The following NCOR1 variants were observed in gnomAD, a reference collection of about 807,000 sequenced individuals.
NCOR1 encodes nuclear receptor corepressor 1, also known as protein phosphatase 1, regulatory subunit 109.
NCOR1 carries 63 observed loss-of-function variants against 288.1 expected under a neutral mutation model. The ratio of observed to expected loss-of-function variants is 0.22; its 90% CI spans 0.18 to 0.27. The LOEUF (loss-of-function observed/expected upper bound fraction) is 0.27. Among genes scored for constraint, NCOR1 ranks in the 10% least tolerant of loss-of-function variants. The pLI is 1.00. For missense variants in NCOR1, 2,397 were observed against 3,019.2 expected, an observed-to-expected ratio of 0.79 and a Z score of 4.83; for synonymous variants, 1,007 against 1,065.9, an observed-to-expected ratio of 0.94 and a Z score of 1.08.
chr17:16,148,339 C>G (rs1369426862), intron 9 of NCOR1, among the ~76,000 whole-genome samples: 4 of 152,166 alleles, frequency 2.6e-5, no homozygotes, highest in Non-Finnish European at 5.9e-5. Context: ...TAATTCCTAT[C>G]TGCCTTAGGT....
intron 18 of NCOR1, among the ~76,000 whole-genome samples, chr17:16,114,771 G>A (rs2071204737): frequency 6.6e-6 from 1 of 152,234 alleles, no homozygotes; most frequent in Non-Finnish European, 1.5e-5. Flanking sequence ...CCAATCCTGT[G>A]GCTTTGCAGG....
chr17:16,204,161 C>G (rs972360887), intron 1 of NCOR1, among the ~76,000 whole-genome samples: 2 of 151,902 alleles, frequency 1.3e-5, no homozygotes, highest in African/African-American at 4.8e-5. Flanking sequence ...AATAAAATAA[C>G]AAGACCAATC....
At chr17:16,200,876 C>G (rs2090699941) in intron 1 of NCOR1, among the ~76,000 whole-genome samples, 1 of 152,196 alleles carries the variant, frequency 6.6e-6, no homozygotes, top group Admixed American at 6.5e-5. Context: ...ACCCAAAATC[C>G]TCCAACCTGG....
intron 3 of NCOR1, among the ~76,000 whole-genome samples, chr17:16,181,946 T>C (rs2085572277): frequency 6.6e-6 from 1 of 152,162 alleles, no homozygotes; most frequent in African/African-American, 2.4e-5. Context: ...CAAACTTTTT[T>C]TTTTCCAAAC....
At chr17:16,175,915 C>T (rs1399120525) in intron 3 of NCOR1, among the ~76,000 whole-genome samples, 1 of 151,650 alleles carries the variant, frequency 6.6e-6, no homozygotes, top group Non-Finnish European at 1.5e-5. Flanking sequence ...TGGCTGGATT[C>T]GGTCATCAAG....
At chr17:16,039,288 C>T (rs757220323) in intron 44 of NCOR1, 145 bp downstream of exon 44, 4 of 789,280 alleles carry the variant, frequency 5.1e-6, no homozygotes, top group South Asian at 2.0e-5. Flanking sequence ...TTTCAAAAAC[C>T]TTTTTTAAGT....
intron 19 of NCOR1, among the ~76,000 whole-genome samples, chr17:16,106,881 ATATTTTTTTTTTTTTTTT>A (rs2068839928): frequency 2.2e-5 from 1 of 44,684 alleles, no homozygotes; most frequent in African/African-American, 1.2e-4. Context: ...ATATATATAT[ATATTTTTTTTTTTTTTTT>A]TTTTTTTTTT....
intron 33 of NCOR1, 89 bp downstream of exon 33, chr17:16,065,396 C>T (rs2061008318): frequency 8.8e-6 from 12 of 1,362,278 alleles, no homozygotes; most frequent in South Asian, 6.2e-5. Context: ...TTCTTTCCAT[C>T]ATTCATTCAA....
intron 14 of NCOR1, 45 bp downstream of exon 14, chr17:16,137,266 T>C (rs758778214): frequency 3.0e-6 from 4 of 1,325,742 alleles, no homozygotes; most frequent in Non-Finnish European, 4.3e-6. Context: ...GCTTGCCTAT[T>C]TCCCCCAATC....
intron 23 of NCOR1, chr17:16,084,008 T>G (rs1002577231): frequency 6.6e-6 from 1 of 151,642 alleles, no homozygotes; most frequent in Non-Finnish European, 1.5e-5. Context: ...AGATTGTTTC[T>G]GCCTCTGCTG....
rs1434632104 is a variant in NCOR1 at position 16,208,143 on chromosome 17, C to CGA, written c.-71+7217_-71+7218dup. On this transcript the variant is annotated intron_variant, in intron 1 of 45. Coordinates refer to ENST00000268712, the MANE Select transcript of NCOR1 (RefSeq NM_006311.4). ...GCAACCTCTGCCTCCCAGGTTCAAG[C>CGA]GATTCTCCTGCCTCAGCCTCCTGAG... 2.9e-5 allele frequency among the ~76,000 whole-genome samples: 4 copies of CGA among 140,020 alleles called. No homozygotes were observed. In the East Asian group the frequency reaches 8.2e-4, roughly 29 times the overall value. 91.9% of individuals were successfully genotyped at this position (140,020 alleles called of 152,430 possible).
At chr17:16,121,333 T>C (rs950236926) in intron 15 of NCOR1, 64 bp from the exon 16 acceptor site, 2 of 1,308,790 alleles carry the variant, frequency 1.5e-6, no homozygotes, top group Non-Finnish European at 1.0e-6. Context: ...AAGAAGGTTT[T>C]AGTTTTGAAT....
In NCOR1 at chr17:16,073,495, A is replaced by G. The variant is rs745509582; in HGVS notation, c.3745T>C (p.Ser1249Pro). The G allele has an allele frequency of 6.2e-7, 1 of 1,612,516 alleles. No individual in the cohort carries two copies. Among genetic ancestry groups the G allele is most frequent in the Non-Finnish European group, 8.5e-7 (1 of 1,179,224 alleles). Residue 1249 changes from serine to proline, a missense_variant, in exon 28 of 46, where the codon TCA (serine) becomes CCA (proline). Coordinates refer to ENST00000268712, the MANE Select transcript of NCOR1 (RefSeq NM_006311.4). The part of the protein sequence containing the change: ...HEISLKRSYE[S>P]VEGNIKQGMS... ...CCTTGCTTTATATTTCCTTCCACTG[A>G]TTCATAGCTTCTCTTTAAACTGATT...
chr17:16,042,240 G>A (rs765173911), intron 42 of NCOR1, among the ~76,000 whole-genome samples: 1 of 152,186 alleles, frequency 6.6e-6, no homozygotes, highest in Non-Finnish European at 1.5e-5. Context: ...AGGTGACAAG[G>A]TAAATAAATT....
intron 10 of NCOR1, among the ~76,000 whole-genome samples, chr17:16,145,923 A>G (rs1303398929): frequency 1.3e-5 from 2 of 151,396 alleles, no homozygotes; most frequent in Non-Finnish European, 3.0e-5. Context: ...GGAGGTGGAC[A>G]TGGGAGACTC....
intron 16 of NCOR1, among the ~76,000 whole-genome samples, chr17:16,119,723 T>C (rs562514194): frequency 1.3e-5 from 2 of 152,306 alleles, no homozygotes; most frequent in Admixed American, 1.3e-4. Flanking sequence ...TGTCTACATT[T>C]TTAAACATTT....
chr17:16,168,043 A>G (rs1004485210), intron 4 of NCOR1, among the ~76,000 whole-genome samples: 2 of 152,186 alleles, frequency 1.3e-5, no homozygotes, highest in Non-Finnish European at 2.9e-5. Flanking sequence ...AACAATTTAC[A>G]AAACAGGAAA....
At chr17:16,206,733 A>G (rs776342317) in intron 1 of NCOR1, among the ~76,000 whole-genome samples, 28 of 152,120 alleles carry the variant, frequency 1.8e-4, no homozygotes, top group Non-Finnish European at 4.0e-4. Context: ...AGTTGCTGTT[A>G]ATGATTGATA....
chr17:16,200,778 C>T (rs1156605628), intron 1 of NCOR1, among the ~76,000 whole-genome samples: 2 of 151,460 alleles, frequency 1.3e-5, no homozygotes, highest in Non-Finnish European at 2.9e-5. Context: ...CACACCAGTT[C>T]CCACAAAGCT....
Sources: gnomAD v4.1 joint callset for allele counts (sites outside exome capture counted in the v4.1 genomes callset) on GRCh38, gnomAD v4.1.1 for gene constraint, MANE v1.5 for transcripts, NCBI Gene and HGNC (gene_info 2026-07-23, HGNC 2026-07-21) for gene names.